SNX4: variants seen among roughly 807,000 people sequenced by gnomAD.
The protein encoded by SNX4 is sorting nexin-4.
A neutral mutation model predicts 70.8 loss-of-function variants in SNX4; 49 were observed. The observed-to-expected ratio is 0.69, with a 90% CI of 0.55 to 0.88. The LOEUF is 0.88. SNX4 is among the 40% of genes least tolerant of loss of function. The probability of loss-of-function intolerance (pLI) is 0.00; values close to 1 mark genes in which losing one functional copy is unlikely to be tolerated. For synonymous variants in SNX4, 206 were observed against 183.8 expected (o/e 1.12, Z -0.98); for missense variants, 528 against 544.8 (o/e 0.97, Z 0.31).
chr3:125,448,333 C>A (rs1933481873), intron 13 of SNX4, among the ~76,000 whole-genome samples: 1 of 150,342 alleles, frequency 6.7e-6, no homozygotes, highest in South Asian at 2.1e-4. Flanking sequence ...TGGAATCTCA[C>A]TATGTTACCC....
chr3:125,466,912 G>T (rs555046073), intron 9 of SNX4, among the ~76,000 whole-genome samples: 2 of 151,942 alleles, frequency 1.3e-5, no homozygotes, highest in Non-Finnish European at 2.9e-5. Flanking sequence ...GCAAATCCCC[G>T]TCTCTACTAA....
chr3:125,460,764 A>G lies in SNX4; in HGVS notation c.944+7T>C, dbSNP rs9821491. On this transcript the variant is annotated splice_region_variant and intron_variant, in intron 10 of 13. Transcript: ENST00000251775. ...GTGGCTGCACCTGGAACTTTTATTA[A>G]ACTTACCGCAATGCTTCTGCATAAA... 4.8e-3 allele frequency: 6,988 copies of G among 1,470,184 alleles called. 279 individuals are homozygous for G. In the African/African-American group the frequency reaches 0.082, roughly 17 times the overall value. The allele number at this position is 1,470,184 out of a possible 1,614,324, so 91.1% of individuals were successfully genotyped here.
chr3:125,470,949 A>G (rs1427258203), intron 8 of SNX4, among the ~76,000 whole-genome samples: 2 of 152,226 alleles, frequency 1.3e-5, no homozygotes, highest in Non-Finnish European at 2.9e-5. Flanking sequence ...TCAGTCAGGC[A>G]GCTGATCAGA....
intron 1 of SNX4, among the ~76,000 whole-genome samples, chr3:125,515,920 T>G (rs1448793262): frequency 6.6e-6 from 1 of 152,172 alleles, no homozygotes; most frequent in East Asian, 1.9e-4. Context: ...TATCATCTGC[T>G]GCTAAAGTGA....
chr3:125,449,129 A>G (rs1278305318), intron 13 of SNX4: 1 of 151,790 alleles, frequency 6.6e-6, no homozygotes, highest in African/African-American at 2.4e-5. Flanking sequence ...TTTCTTTTTG[A>G]AAGAAGGTCT....
intron 12 of SNX4, among the ~76,000 whole-genome samples, chr3:125,452,534 A>G (rs369871283): frequency 2.6e-5 from 4 of 152,224 alleles, no homozygotes; most frequent in Non-Finnish European, 5.9e-5. Flanking sequence ...GCGAGCAACA[A>G]TGGCACCACT....
chr3:125,505,793 A>G (rs1935032094), intron 1 of SNX4, among the ~76,000 whole-genome samples: 1 of 152,134 alleles, frequency 6.6e-6, no homozygotes, highest in Non-Finnish European at 1.5e-5. Context: ...TGTAAGCCAG[A>G]TGTTAAAAAC....
chr3:125,462,085 A>T (rs1933897762), intron 9 of SNX4, among the ~76,000 whole-genome samples: 2 of 152,178 alleles, frequency 1.3e-5, no homozygotes, highest in Non-Finnish European at 2.9e-5. Flanking sequence ...TCTCCAAACC[A>T]TACAAGCACA....
In SNX4 at chr3:125,453,911, A is replaced by T. The variant is rs141423057; in HGVS notation, c.1089T>A (p.Phe363Leu). The change falls in exon 12 of 14, where the codon TTT becomes TTA. Residue 363 changes from phenylalanine to leucine, a missense_variant. Transcript: ENST00000251775. ...CTCTCTGCTCTGGAGTTTCTTGACC[A>T]AAGAGCTTGGTAGTCATTCCCTTCA... is the stretch of plus-strand genomic sequence containing the variant. Reference protein sequence around the residue: ...FSLKGMTTKLFGQETPEQREA... With the variant: ...FSLKGMTTKLLGQETPEQREA... 1 of 1,614,020 alleles carries T rather than the reference A, an allele frequency of 6.2e-7. No homozygotes were observed.
intron 7 of SNX4, among the ~76,000 whole-genome samples, 173 bp downstream of exon 7, chr3:125,480,074 C>A (rs1171618910): frequency 6.6e-6 from 1 of 152,096 alleles, no homozygotes; most frequent in Non-Finnish European, 1.5e-5. Flanking sequence ...TTGTTTATGA[C>A]AGAAACCATT....
intron 1 of SNX4, among the ~76,000 whole-genome samples, chr3:125,519,699 C>A (rs9827270): frequency 0.06 from 9,192 of 152,062 alleles, 385 homozygotes; most frequent in African/African-American, 0.13. Flanking sequence ...CCACTGAAAA[C>A]CCCCTCCTCC....
intron 5 of SNX4, 123 bp from the exon 6 acceptor site, chr3:125,489,586 A>C: frequency 1.4e-6 from 1 of 714,074 alleles, no homozygotes. Flanking sequence ...ATTGTTGTAA[A>C]CACATTAAAC....
At chr3:125,506,817 T>TAAAAAAAAAAAAAAAAAAAA (rs71148182) in intron 1 of SNX4, among the ~76,000 whole-genome samples, 9 of 26,834 alleles carry the variant, frequency 3.4e-4, no homozygotes, top group South Asian at 2.5e-3. Context: ...GTGGAGAAAG[T>TAAAAAAAAAAAAAAAAAAAA]AAAAAAAAAA....
intron 1 of SNX4, among the ~76,000 whole-genome samples, chr3:125,505,520 T>A (rs1468662020): frequency 6.6e-6 from 1 of 152,202 alleles, no homozygotes; most frequent in Non-Finnish European, 1.5e-5. Context: ...TATCCCTTAG[T>A]GCCTAGCAGG....
chr3:125,449,741 C>T (rs1276321586), intron 13 of SNX4, among the ~76,000 whole-genome samples: 1 of 152,200 alleles, frequency 6.6e-6, no homozygotes, highest in Non-Finnish European at 1.5e-5. Context: ...GATTAAATTT[C>T]TAGCACCCTC....
intron 1 of SNX4, among the ~76,000 whole-genome samples, chr3:125,511,728 T>C (rs1040327606): frequency 4.6e-5 from 7 of 152,190 alleles, no homozygotes; most frequent in Non-Finnish European, 7.3e-5. Flanking sequence ...GAGGTGGGTT[T>C]TAACTTAATT....
chr3:125,455,808 T>C (rs2107841503), intron 11 of SNX4, among the ~76,000 whole-genome samples: 1 of 152,148 alleles, frequency 6.6e-6, no homozygotes, highest in East Asian at 1.9e-4. Context: ...GGTCAGGAGA[T>C]TCAGACCATC....
intron 5 of SNX4, among the ~76,000 whole-genome samples, chr3:125,496,100 G>A (rs906626168): frequency 6.6e-6 from 1 of 152,034 alleles, no homozygotes; most frequent in African/African-American, 2.4e-5. Flanking sequence ...AACTAGCCTG[G>A]GCAACATAGT....
chr3:125,502,853 CA>C (rs376503388), intron 2 of SNX4, among the ~76,000 whole-genome samples: 92 of 86,632 alleles, frequency 1.1e-3, no homozygotes, highest in Admixed American at 3.2e-3. Context: ...GACTCCATCT[CA>C]AAAAAAAAAA....
Sources: allele counts gnomAD v4.1 joint callset (sites outside exome capture counted in the v4.1 genomes callset), GRCh38; gene constraint gnomAD v4.1.1; transcripts MANE v1.5; gene names NCBI Gene and HGNC (gene_info 2026-07-23, HGNC 2026-07-21).